DPYD: variants seen among roughly 807,000 people sequenced by gnomAD.
The protein encoded by DPYD is dihydropyrimidine dehydrogenase [NADP(+)].
Under a neutral mutation model 116.2 loss-of-function variants are expected in DPYD, and 109 were observed. The observed-to-expected ratio is 0.94, with a 90% CI of 0.80 to 1.10. The LOEUF is 1.10. Ranked by LOEUF, DPYD falls within the 50% of genes least tolerant of loss-of-function variation. The pLI is 0.00. For synonymous variants in DPYD, 440 were observed against 432.0 expected, an observed-to-expected ratio of 1.02 and a Z score of -0.23; for missense variants, 1,302 against 1,254.5, an observed-to-expected ratio of 1.04 and a Z score of -0.57.
At chr1:97,721,768 T>C (rs1317577716) in intron 4 of DPYD, 97 bp from the exon 5 acceptor site, 4 of 1,190,788 alleles carry the variant, frequency 3.4e-6, no homozygotes, top group East Asian at 2.6e-5. Context: ...GGTAATCAGA[T>C]TGAAGATAAT....
At chr1:97,183,928 C>A (rs1657817709) in intron 20 of DPYD, among the ~76,000 whole-genome samples, 1 of 152,006 alleles carries the variant, frequency 6.6e-6, no homozygotes, top group Non-Finnish European at 1.5e-5. Flanking sequence ...ACCTTCCATC[C>A]TCAAGTAGGC....
chr1:97,830,976 A>C (rs1669514868), intron 2 of DPYD, among the ~76,000 whole-genome samples: 1 of 152,220 alleles, frequency 6.6e-6, no homozygotes, highest in Non-Finnish European at 1.5e-5. Context: ...TATTAGGCTA[A>C]CTAACAGAAG....
At chr1:97,868,684 C>A (rs1218777796) in intron 2 of DPYD, among the ~76,000 whole-genome samples, 1 of 151,680 alleles carries the variant, frequency 6.6e-6, no homozygotes, top group Non-Finnish European at 1.5e-5. Flanking sequence ...GAATCACACC[C>A]AAGATCAAGT....
At chr1:97,769,443 T>C (rs1367953901) in intron 3 of DPYD, among the ~76,000 whole-genome samples, 1 of 152,146 alleles carries the variant, frequency 6.6e-6, no homozygotes, top group East Asian at 1.9e-4. Context: ...TGGAAAACAT[T>C]TGCCATTATA....
intron 3 of DPYD, among the ~76,000 whole-genome samples, chr1:97,804,132 A>C (rs1204754188): frequency 6.6e-6 from 1 of 151,562 alleles, no homozygotes; most frequent in Non-Finnish European, 1.5e-5. Flanking sequence ...ATTAAACGTT[A>C]TTTTTCTTGA....
chr1:97,239,760 T>C (rs1044977953), intron 18 of DPYD, among the ~76,000 whole-genome samples: 2 of 152,102 alleles, frequency 1.3e-5, no homozygotes, highest in Admixed American at 6.6e-5. Flanking sequence ...CTTAGTTCCA[T>C]TTATAAGCTG....
At chr1:97,814,190 T>A (rs1156541678) in intron 3 of DPYD, among the ~76,000 whole-genome samples, 1 of 152,066 alleles carries the variant, frequency 6.6e-6, no homozygotes, top group Non-Finnish European at 1.5e-5. Context: ...CAGGTAAGCA[T>A]CAGGTCCAAG....
intron 3 of DPYD, among the ~76,000 whole-genome samples, chr1:97,822,009 T>C (rs1481261613): frequency 1.3e-5 from 2 of 151,844 alleles, no homozygotes; most frequent in South Asian, 2.1e-4. Flanking sequence ...TTCCAGTATT[T>C]ATTTCATATT....
At chr1:97,474,623 G>T (rs890721697) in intron 13 of DPYD, among the ~76,000 whole-genome samples, 2 of 151,748 alleles carry the variant, frequency 1.3e-5, no homozygotes, top group African/African-American at 4.8e-5. Flanking sequence ...CACAGTTTAA[G>T]ATTAATAAAG....
Position 97,593,251 on chromosome 1 carries a change from T to C in DPYD, c.1095A>G (p.Lys365=), listed in dbSNP as rs1654644998. 6.2e-7 allele frequency: 1 copy of C among 1,614,104 alleles called. No homozygotes were observed. Among genetic ancestry groups the C allele is most frequent in the African/African-American group, 1.3e-5 (1 of 75,040 alleles). The change falls in exon 10 of 23, where the codon AAA becomes AAG. Residue 365 remains lysine (K), a synonymous_variant. Coordinates refer to ENST00000370192, the MANE Select transcript of DPYD (RefSeq NM_000110.4). ...GGACAGCTCTTATATTAACAAAGCC[T>C]TTTCTGAAGACGATGAACACACGGC... ...GARRVFIVFR[K]GFVNIRAVPE...
intron 11 of DPYD, 150 bp from the exon 12 acceptor site, chr1:97,549,894 C>A: frequency 1.3e-6 from 1 of 769,152 alleles, no homozygotes; most frequent in Non-Finnish European, 2.0e-6. Context: ...GAAAAGCTAA[C>A]GAAATATTGG....
intron 1 of DPYD, among the ~76,000 whole-genome samples, chr1:97,891,253 G>C (rs764690973): frequency 3.3e-5 from 5 of 151,868 alleles, no homozygotes; most frequent in Non-Finnish European, 7.4e-5. Context: ...AGGTCACAGA[G>C]TCCCCTCTCT....
intron 3 of DPYD, among the ~76,000 whole-genome samples, chr1:97,795,459 G>T (rs17117179): frequency 0.026 from 3,882 of 152,042 alleles, 165 homozygotes; most frequent in African/African-American, 0.085. Context: ...GCTATATGCT[G>T]ATCTTGCTAA....
chr1:97,437,474 T>A (rs1432708939), intron 14 of DPYD, among the ~76,000 whole-genome samples: 1 of 151,922 alleles, frequency 6.6e-6, no homozygotes. Flanking sequence ...TAGTCCCAGG[T>A]TTTTTGTTGT....
At chr1:97,580,016 G>T (rs1439743949) in intron 10 of DPYD, among the ~76,000 whole-genome samples, 1 of 152,162 alleles carries the variant, frequency 6.6e-6, no homozygotes, top group Non-Finnish European at 1.5e-5. Context: ...GTAATGCGAT[G>T]ATTTGGTCTG....
intron 8 of DPYD, among the ~76,000 whole-genome samples, chr1:97,621,791 C>T (rs1267956032): frequency 6.6e-6 from 1 of 151,694 alleles, no homozygotes; most frequent in African/African-American, 2.4e-5. Context: ...CTTGTAGGGC[C>T]AGAAATTAAG....
At chr1:97,157,286 A>T (rs1041143461) in intron 20 of DPYD, among the ~76,000 whole-genome samples, 1 of 152,124 alleles carries the variant, frequency 6.6e-6, no homozygotes, top group African/African-American at 2.4e-5. Flanking sequence ...ATAAAATTAA[A>T]AAAACCCCTT....
chr1:97,267,380 AG>A (rs1269488302), intron 18 of DPYD, among the ~76,000 whole-genome samples: 3 of 152,086 alleles, frequency 2.0e-5, no homozygotes, highest in Non-Finnish European at 4.4e-5. Flanking sequence ...ATCAAGTGGA[AG>A]AAAGGGTATC....
rs927901454 is a variant in DPYD, at chr1:97,731,880, T to C, written c.321+8512A>G. 2.0e-5 allele frequency among the ~76,000 whole-genome samples: 3 copies of C among 152,110 alleles called. No homozygotes were observed. The South Asian group carries it at 6.2e-4, about 32-fold the overall frequency. On this transcript the variant is annotated intron_variant, in intron 4 of 22. Coordinates refer to ENST00000370192, the MANE Select transcript of DPYD (RefSeq NM_000110.4). ...AATTTATATATATTTAGTTTTTATA[T>C]CATTAGTGTTTTTTAAAAATAATTT...
Sources: allele counts gnomAD v4.1 joint callset (sites outside exome capture counted in the v4.1 genomes callset), GRCh38; gene constraint gnomAD v4.1.1; transcripts MANE v1.5; gene names NCBI Gene and HGNC (gene_info 2026-07-23, HGNC 2026-07-21).